CLTCL1: variants seen among roughly 807,000 people sequenced by gnomAD.
The protein encoded by CLTCL1 is clathrin heavy chain like 1.
In CLTCL1, 159 loss-of-function variants were observed where a neutral mutation model predicts 190.0. That is an observed-to-expected ratio of 0.84 (90% CI 0.74 to 0.95). CLTCL1 has a LOEUF of 0.95. Ranked by LOEUF, CLTCL1 falls within the 40% of genes least tolerant of loss-of-function variation. CLTCL1 has a pLI of 0.00. For missense variants in CLTCL1, 1,878 were observed against 2,033.4 expected (o/e 0.92, Z 1.47); for synonymous variants, 752 against 769.6 (o/e 0.98, Z 0.38).
chr22:19,263,387 A>G (rs1428680718), intron 2 of CLTCL1, among the ~76,000 whole-genome samples: 1 of 151,454 alleles, frequency 6.6e-6, no homozygotes, highest in African/African-American at 2.4e-5. Flanking sequence ...ATATGCCACC[A>G]TGCCTGGCCA....
At chr22:19,257,543 T>G (rs903379997) in intron 2 of CLTCL1, 3 of 365,044 alleles carry the variant, frequency 8.2e-6, no homozygotes, top group Non-Finnish European at 1.6e-5. Flanking sequence ...CTCACTCCAC[T>G]ACCTTCTCTA....
intron 2 of CLTCL1, among the ~76,000 whole-genome samples, chr22:19,256,433 T>A (rs1555972608): frequency 7.2e-6 from 1 of 138,658 alleles, no homozygotes. Flanking sequence ...CTCAGCTCAA[T>A]GCAGCCTCCA....
intron 3 of CLTCL1, among the ~76,000 whole-genome samples, chr22:19,243,627 C>A (rs1438745271): frequency 1.3e-5 from 2 of 151,636 alleles, no homozygotes; most frequent in Non-Finnish European, 1.5e-5. Flanking sequence ...TCCAAAAAAA[C>A]CAAAACCCCC....
intron 1 of CLTCL1, among the ~76,000 whole-genome samples, chr22:19,277,761 G>C (rs776543137): frequency 1.3e-5 from 2 of 152,118 alleles, no homozygotes; most frequent in Non-Finnish European, 2.9e-5. Context: ...GGTTTCTCCA[G>C]CAGACACCAC....
chr22:19,232,268 A>G (rs1411297750), intron 10 of CLTCL1, among the ~76,000 whole-genome samples: 7 of 152,208 alleles, frequency 4.6e-5, no homozygotes, highest in Admixed American at 2.0e-4. Flanking sequence ...AACATTCTCT[A>G]AAGTACTTCA....
intron 19 of CLTCL1, 47 bp downstream of exon 19, chr22:19,216,064 T>TGA: frequency 6.3e-7 from 1 of 1,588,628 alleles, no homozygotes; most frequent in East Asian, 2.2e-5. Context: ...ATCAAGCAGA[T>TGA]GTTTTGAATC....
intron 3 of CLTCL1, among the ~76,000 whole-genome samples, chr22:19,248,046 C>T (rs1268829512): frequency 6.6e-6 from 1 of 151,662 alleles, no homozygotes; most frequent in Non-Finnish European, 1.5e-5. Context: ...CCTGTAATCC[C>T]AGCACTTTGG....
intron 5 of CLTCL1, among the ~76,000 whole-genome samples, 175 bp downstream of exon 5, chr22:19,239,100 C>T (rs2277836): frequency 0.043 from 6,531 of 152,242 alleles, 241 homozygotes; most frequent in East Asian, 0.14. Flanking sequence ...TTCCTTTCTA[C>T]GAACAGGGCT....
At chr22:19,278,396 G>A (rs1451156226) in intron 1 of CLTCL1, among the ~76,000 whole-genome samples, 1 of 152,138 alleles carries the variant, frequency 6.6e-6, no homozygotes, top group East Asian at 1.9e-4. Context: ...GTGAGAGAAT[G>A]GTTTGGAAGC....
rs190249551 is a variant in CLTCL1 at position 19,199,851 on chromosome 22, G to A, written c.3766-10C>T. 46 of 1,576,818 alleles carry A rather than the reference G, an allele frequency of 2.9e-5. No individual in the cohort carries two copies. The East Asian group carries it at 5.6e-4, about 19-fold the overall frequency. ...TGCAGGCAAAGCACACCTAGGGGAC[G>A]GAGGGCAAGCGTGAGGGTCCCCAAG... On this transcript the variant is annotated splice_polypyrimidine_tract_variant and intron_variant, in intron 23 of 32. Transcript: ENST00000427926.
At chr22:19,271,074 C>A (rs1274872461) in intron 2 of CLTCL1, among the ~76,000 whole-genome samples, 1 of 152,016 alleles carries the variant, frequency 6.6e-6, no homozygotes, top group Non-Finnish European at 1.5e-5. Flanking sequence ...CCAGGGGGTG[C>A]CATTCCCCCT....
At chr22:19,181,739 A>C (rs945005275) in intron 30 of CLTCL1, 2 of 152,316 alleles carry the variant, frequency 1.3e-5, no homozygotes, top group Non-Finnish European at 2.9e-5. Flanking sequence ...TCAAGCTGAC[A>C]ATCAGCTCAC....
chr22:19,189,562 A>T (rs1555930378), intron 27 of CLTCL1, among the ~76,000 whole-genome samples: 2 of 152,176 alleles, frequency 1.3e-5, no homozygotes, highest in Non-Finnish European at 2.9e-5. Flanking sequence ...TTCAAGTTGG[A>T]TCCTAAGATT....
In CLTCL1 at chr22:19,266,961, C is replaced by T. The variant is rs1295262235; in HGVS notation, c.250+8662G>A. Among the ~76,000 whole-genome samples, 5 of 152,172 alleles carry T rather than the reference C, an allele frequency of 3.3e-5. No individual in the cohort carries two copies. In the South Asian group the frequency reaches 8.3e-4, roughly 25 times the overall value. The stretch of plus-strand genomic sequence containing the variant: ...AATTCAACGATTTCTGTTCTTGTCA[C>T]TTCTGTTTAATACTGTACTGGGTAT... On this transcript the variant is annotated intron_variant, in intron 2 of 32. Transcript: ENST00000427926.
At position 19,212,624 on chromosome 22, in the gene CLTCL1, G is replaced by GAGAA. The variant is rs782732957; in HGVS notation, c.3066-2119_3066-2116dup. Among the ~76,000 whole-genome samples, 13 of 144,634 alleles carry GAGAA rather than the reference G, an allele frequency of 9.0e-5. 3 individuals carry two copies. The highest frequency in any genetic ancestry group is 4.6e-5 in the Non-Finnish European group (3 of 65,538). 94.9% of individuals were successfully genotyped at this position (144,634 alleles called of 152,430 possible). Reference sequence around the variant, plus strand: ...GAAAGGAAGGAAGGAAGGAAAGAAAGAGAAAGAAAGAAAGAGAAAGAAAAA... The same window carrying GAGAA: ...GAAAGGAAGGAAGGAAGGAAAGAAAGAGAAAGAAAGAAAGAAAGAGAAAGAAAAA... On this transcript the variant is annotated intron_variant, in intron 19 of 32. Coordinates refer to ENST00000427926, the MANE Select transcript of CLTCL1 (RefSeq NM_007098.4).
At chr22:19,223,797 T>A (rs2085650259) in intron 14 of CLTCL1, 94 bp downstream of exon 14, 3 of 1,478,582 alleles carry the variant, frequency 2.0e-6, no homozygotes, top group African/African-American at 2.8e-5. Flanking sequence ...GCGAGACAGA[T>A]CCAGCTTCCT....
intron 29 of CLTCL1, chr22:19,184,256 C>T (rs1160083977): frequency 1.2e-5 from 4 of 332,126 alleles, no homozygotes; most frequent in South Asian, 4.5e-5. Context: ...AGACCAGGAA[C>T]CTGAGACCCA....
At chr22:19,211,724 G>A (rs1454231727) in intron 19 of CLTCL1, among the ~76,000 whole-genome samples, 8 of 142,606 alleles carry the variant, frequency 5.6e-5, no homozygotes, top group South Asian at 2.2e-4. Context: ...CTGAGATTGC[G>A]CCACTGCACT....
chr22:19,287,190 T>C (rs2087936866), intron 1 of CLTCL1, among the ~76,000 whole-genome samples: 1 of 152,168 alleles, frequency 6.6e-6, no homozygotes, highest in South Asian at 2.1e-4. Context: ...CATTTGAATA[T>C]TTCTAAAAAG....
Sources: gnomAD v4.1 joint callset for allele counts (sites outside exome capture counted in the v4.1 genomes callset) on GRCh38, gnomAD v4.1.1 for gene constraint, MANE v1.5 for transcripts, NCBI Gene and HGNC (gene_info 2026-07-23, HGNC 2026-07-21) for gene names.